The following GREB1 variants were observed in gnomAD, a reference collection of about 807,000 sequenced individuals.
GREB1 encodes protein GREB1.
GREB1 carries 106 observed loss-of-function variants against 200.7 expected under a neutral mutation model. The observed-to-expected ratio is 0.53, with a 90% confidence interval of 0.45 to 0.62. The LOEUF (loss-of-function observed/expected upper bound fraction) is 0.62. Ranked by LOEUF, GREB1 falls within the 20% of genes least tolerant of loss-of-function variation. The probability of loss-of-function intolerance (pLI) is 0.00; values close to 1 mark genes in which losing one functional copy is unlikely to be tolerated. For synonymous variants in GREB1, 1,132 were observed against 1,092.4 expected (o/e 1.04, Z -0.72); for missense variants, 2,243 against 2,556.8 (o/e 0.88, Z 2.65).
chr2:11,614,871 C>G (rs1329355097), intron 19 of GREB1, among the ~76,000 whole-genome samples: 1 of 152,214 alleles, frequency 6.6e-6, no homozygotes, highest in Non-Finnish European at 1.5e-5. Context: ...TAGTGCAGCA[C>G]AGAGCTAAAT....
Position 11,618,960 on chromosome 2 carries a change from G to GA in GREB1, c.4044+41_4044+42insA, listed in dbSNP as rs537593688. ...TGCCCCAGCACAGCCCCGGACTGGGGGGGTCCTCACACTCCCATCTGGAGG... is the reference window on the plus strand; with the variant it reads ...TGCCCCAGCACAGCCCCGGACTGGGGAGGGTCCTCACACTCCCATCTGGAGG... On this transcript the variant is annotated intron_variant, in intron 22 of 32. Coordinates refer to ENST00000381486, the MANE Select transcript of GREB1 (RefSeq NM_014668.4). 493 of 1,441,430 alleles carry GA rather than the reference G, an allele frequency of 3.4e-4. 3 individuals carry two copies. The South Asian group carries it at 3.4e-3, about 10-fold the overall frequency. The allele number at this position is 1,441,430 out of a possible 1,614,324, so 89.3% of individuals were successfully genotyped here. A position where few individuals can be genotyped will look rare whatever the true frequency, so the allele number is the denominator to read the frequency against.
At chr2:11,520,453 A>G (rs1673663855) in intron 1 of GREB1, among the ~76,000 whole-genome samples, 1 of 152,188 alleles carries the variant, frequency 6.6e-6, no homozygotes. Context: ...GGTTGTTGGC[A>G]TAATTCAGTT....
intron 1 of GREB1, among the ~76,000 whole-genome samples, chr2:11,509,162 C>T (rs1260177822): frequency 6.6e-6 from 1 of 152,050 alleles, no homozygotes; most frequent in Non-Finnish European, 1.5e-5. Flanking sequence ...GTATGAGCCA[C>T]CGCGCCCGGC....
At chr2:11,603,684 C>T (rs1187836227) in intron 17 of GREB1, among the ~76,000 whole-genome samples, 3 of 152,248 alleles carry the variant, frequency 2.0e-5, no homozygotes, top group African/African-American at 7.2e-5. Context: ...GCACATGGAT[C>T]GACAGCTGAG....
chr2:11,625,215 G>A lies in GREB1; in HGVS notation c.4209G>A (p.Glu1403=), dbSNP rs1160630626. The A allele has an allele frequency of 1.2e-6, 2 of 1,614,072 alleles. No individual in the cohort carries two copies. The highest frequency in any genetic ancestry group is 1.3e-5 in the African/African-American group (1 of 75,050). The part of the protein sequence containing the change: ...LQLSDPWPDL[E]LFKKLPFDYI... The stretch of plus-strand genomic sequence containing the variant: ...TTAGCGACCCCTGGCCAGACCTGGA[G>A]CTGTTCAAGAAGTTGCCCTTTGACT... The change falls in exon 24 of 33, where the codon GAG becomes GAA. Residue 1403 remains glutamate (E), a synonymous_variant. Transcript: ENST00000381486.
rs76794357 is a variant in GREB1, at chr2:11,493,612, C to T, written c.-159+11231C>T. Reference sequence around the variant, plus strand: ...CCCGGGGACTGGGGACCCCTGAATTCGCCTATGTAAAATTGGTTTCCTTAT... The same window carrying T: ...CCCGGGGACTGGGGACCCCTGAATTTGCCTATGTAAAATTGGTTTCCTTAT... On this transcript the variant is annotated intron_variant, in intron 1 of 2. Transcript: ENST00000628795. The surrounding 1 kb of genome is among the most constrained non-coding windows in gnomAD (Gnocchi z 4.6). Among the ~76,000 whole-genome samples the T allele has an allele frequency of 1.3e-5, 2 of 152,124 alleles. No individual in the cohort carries two copies. The highest frequency in any genetic ancestry group is 2.4e-5 in the African/African-American group (1 of 41,390).
chr2:11,552,733 C>A (rs145199362), intron 1 of GREB1, among the ~76,000 whole-genome samples: 3 of 151,918 alleles, frequency 2.0e-5, no homozygotes, highest in Non-Finnish European at 4.4e-5. Context: ...CGCAGTTGGC[C>A]GGGCGCGGTG....
rs374519660 is a variant in GREB1 at position 11,638,724 on chromosome 2, G to C, written c.5601G>C (p.Ser1867=). ...SRPHSLNISC[S]DLLFSGLLLY... is the part of the protein sequence containing the mutation. ...CCCACTCTTTAAACATCAGCTGCTC[G>C]GACTTGCTGTTCAGTGGGCTGCTGC... The change falls in exon 32 of 33, where the codon TCG becomes TCC. Residue 1867 remains serine (S), a synonymous_variant. Coordinates refer to ENST00000381486, the MANE Select transcript of GREB1 (RefSeq NM_014668.4). 1.9e-6 allele frequency: 3 copies of C among 1,614,030 alleles called. No individual in the cohort carries two copies. Among genetic ancestry groups the C allele is most frequent in the South Asian group, 2.2e-5 (2 of 91,074 alleles).
In GREB1 at chr2:11,640,278, G is replaced by A. The variant is rs376923890; in HGVS notation, c.5687-13G>A. On this transcript the variant is annotated splice_polypyrimidine_tract_variant and intron_variant, in intron 32 of 32. Coordinates refer to ENST00000381486, the MANE Select transcript of GREB1 (RefSeq NM_014668.4). This position sits in a 1 kb window ranked among gnomAD's most constrained non-coding sequence, Gnocchi z 4.6. ...CCTTTTCCCTTCCCACACCTCTGCC[G>A]TTGTCCACGCAGGTGCGACGTTGTG... 29 of 1,602,938 alleles carry A rather than the reference G, an allele frequency of 1.8e-5. No individual in the cohort carries two copies. Among genetic ancestry groups the A allele is most frequent in the East Asian group, 2.2e-5 (1 of 44,628 alleles).
intron 1 of GREB1, among the ~76,000 whole-genome samples, chr2:11,519,310 G>A (rs1314445185): frequency 2.0e-5 from 3 of 151,926 alleles, no homozygotes; most frequent in African/African-American, 7.3e-5. Flanking sequence ...TTAAAGGCTG[G>A]CATTTTGAAC....
chr2:11,556,498 C>A lies in GREB1; in HGVS notation c.-117C>A. ...CCACCCTTTCTTCGTCTCTGCTGAG[C>A]GAAGGCTACACGGCCCTTCCTCCTT... On this transcript the variant is annotated 5_prime_UTR_variant, in exon 2 of 33. Transcript: ENST00000381486. 1.3e-6 allele frequency: 1 copy of A among 778,898 alleles called. No homozygotes were observed. The highest frequency in any genetic ancestry group is 2.1e-6 in the Non-Finnish European group (1 of 485,470). 48.2% of individuals were successfully genotyped at this position (778,898 alleles called of 1,614,324 possible). A position where few individuals can be genotyped will look rare whatever the true frequency, so the allele number is the denominator to read the frequency against.
chr2:11,615,240 C>G lies in GREB1; in HGVS notation c.3272C>G (p.Ala1091Gly). 1 of 1,610,866 alleles carries G rather than the reference C, an allele frequency of 6.2e-7. No homozygotes were observed. Residue 1091 changes from alanine to glycine, a missense_variant, in exon 20 of 33, where the codon GCT becomes GGT. This residue lies in a region of GREB1 where 587 missense variants were observed against 553.1 expected (regional missense o/e 1.06). Coordinates refer to ENST00000381486, the MANE Select transcript of GREB1 (RefSeq NM_014668.4). ...AGGAACGAGGCCTTGGAGAGTGATG[C>G]TGAGAAGCTGAGCAGCACAGACAAC... ...GARNEALESD[A>G]EKLSSTDNED...
Position 11,598,823 on chromosome 2 carries a change from G to A in GREB1, c.2296G>A (p.Val766Ile). 1.9e-6 allele frequency: 3 copies of A among 1,614,178 alleles called. No individual in the cohort carries two copies. Among genetic ancestry groups the A allele is most frequent in the Non-Finnish European group, 2.5e-6 (3 of 1,180,006 alleles). The change falls in exon 15 of 33, where the codon GTC becomes ATC. Residue 766 changes from valine to isoleucine, a missense_variant. By Grantham distance (29) the Val-to-Ile change is conservative. Around this residue, in one of 3 missense-constraint regions of GREB1, gnomAD observed 1,178 missense variants for 1,387.4 expected, o/e 0.85. Transcript: ENST00000381486. ...NSFQNPHTLF[V>I]LIHDHAHWDL... ...CTTCCAGAACCCGCATACACTTTTTGTCCTAATCCATGACCATGCGCACTG... is the reference window on the plus strand; with the variant it reads ...CTTCCAGAACCCGCATACACTTTTTATCCTAATCCATGACCATGCGCACTG...
intron 1 of GREB1, among the ~76,000 whole-genome samples, chr2:11,520,920 GA>G (rs1673683450): frequency 6.6e-6 from 1 of 152,180 alleles, no homozygotes; most frequent in Non-Finnish European, 1.5e-5. Context: ...CTGAGGTGCA[GA>G]GAGATTAACT....
rs531885547 is a variant in GREB1, at chr2:11,548,308, A to G, written c.-161-8146A>G. 6.6e-6 allele frequency among the ~76,000 whole-genome samples: 1 copy of G among 152,094 alleles called. No individual in the cohort carries two copies. Among genetic ancestry groups the G allele is most frequent in the African/African-American group, 2.4e-5 (1 of 41,522 alleles). ...TGCACACACGTGCACATACCCACAT[A>G]TGCACACACACGCACACACCCAGAC... On this transcript the variant is annotated intron_variant, in intron 1 of 32. Coordinates refer to ENST00000381486, the MANE Select transcript of GREB1 (RefSeq NM_014668.4). The surrounding 1 kb of genome is among the most constrained non-coding windows in gnomAD (Gnocchi z 5.1).
intron 4 of GREB1, among the ~76,000 whole-genome samples, chr2:11,574,188 C>T (rs891934922): frequency 2.6e-5 from 4 of 152,196 alleles, no homozygotes; most frequent in Non-Finnish European, 5.9e-5. Context: ...TCTTCCCTCT[C>T]GATGTTAACC....
At chr2:11,561,428 A>T in intron 2 of GREB1, 1 of 143,380 alleles carries the variant, frequency 7.0e-6, no homozygotes, top group Non-Finnish European at 1.5e-5. Context: ...CAGTGGCGTG[A>T]TCTCGGCTCA....
chr2:11,597,829 C>T lies in GREB1; in HGVS notation c.2003C>T (p.Ala668Val), dbSNP rs904016073. The T allele has an allele frequency of 1.6e-5, 26 of 1,614,054 alleles. No individual in the cohort carries two copies. Among genetic ancestry groups the T allele is most frequent in the East Asian group, 4.5e-5 (2 of 44,900 alleles). Residue 668 changes from alanine (A) to valine (V), a missense_variant, in exon 14 of 33, where the codon GCG becomes GTG. Transcript: ENST00000381486. This position sits in a 1 kb window ranked among gnomAD's most constrained non-coding sequence, Gnocchi z 4.1. ...HSIRPFQLAV[A>V]QKLLSHVCSI... ...ATCCGGCCCTTCCAGCTGGCAGTAG[C>T]GCAGAAGCTCCTCTCCCATGTGTGT...
At chr2:11,530,597 A>G (rs1404971039), upstream of GREB1, among the ~76,000 whole-genome samples, 1 of 151,206 alleles carries the variant, frequency 6.6e-6, no homozygotes, top group East Asian at 1.9e-4. Flanking sequence ...TTAAGTTACA[A>G]TTAAATCCAT....
Sources: allele counts gnomAD v4.1 joint callset (sites outside exome capture counted in the v4.1 genomes callset), GRCh38; gene constraint gnomAD v4.1.1; regional missense constraint gnomAD v4.1.1; non-coding constraint Gnocchi (gnomAD v3.1); transcripts MANE v1.5; gene names NCBI Gene and HGNC (gene_info 2026-07-23, HGNC 2026-07-21).